ARHGAP26: variants seen among roughly 807,000 people sequenced by gnomAD.
ARHGAP26 encodes Rho GTPase activating protein 26.
A neutral mutation model predicts 104.8 loss-of-function variants in ARHGAP26; 38 were observed. The observed-to-expected ratio is 0.36, with a 90% CI of 0.28 to 0.48. The LOEUF (loss-of-function observed/expected upper bound fraction) is 0.48. Among genes scored for constraint, ARHGAP26 ranks in the 20% least tolerant of loss-of-function variants. The pLI, the probability that ARHGAP26 is intolerant of heterozygous loss-of-function variation, is 0.99. For missense variants in ARHGAP26, 704 were observed against 947.9 expected, an observed-to-expected ratio of 0.74 and a Z score of 3.38; for synonymous variants, 341 against 340.0, an observed-to-expected ratio of 1.00 and a Z score of -0.03.
At position 143,101,782 on chromosome 5, in the gene ARHGAP26, T is replaced by C. The variant is rs373144103; in HGVS notation, c.1539-19206T>C. On this transcript the variant is annotated intron_variant, in intron 17 of 22. Coordinates refer to ENST00000645722, the MANE Select transcript of ARHGAP26 (RefSeq NM_001135608.3). ...TCGACATTTCAATTTCTGCTGCATGTTCTACACAAAATTTAACTGGACAAG... is the reference window on the plus strand; with the variant it reads ...TCGACATTTCAATTTCTGCTGCATGCTCTACACAAAATTTAACTGGACAAG... 1.2e-3 allele frequency among the ~76,000 whole-genome samples: 178 copies of C among 152,218 alleles called. 4 individuals are homozygous for C. Among genetic ancestry groups the C allele is most frequent in the African/African-American group, 4.1e-3 (172 of 41,530 alleles).
At chr5:142,812,140 G>A (rs1432326846) in intron 1 of ARHGAP26, among the ~76,000 whole-genome samples, 1 of 151,890 alleles carries the variant, frequency 6.6e-6, no homozygotes, top group Non-Finnish European at 1.5e-5. Flanking sequence ...TTCGCTTCCT[G>A]TAGTATGAGG....
intron 20 of ARHGAP26, among the ~76,000 whole-genome samples, chr5:143,198,603 C>T (rs1299996787): frequency 6.6e-6 from 1 of 152,274 alleles, no homozygotes; most frequent in Non-Finnish European, 1.5e-5. Context: ...GTCTTTGTTT[C>T]CAATCTGGAA....
At chr5:142,809,928 T>G (rs1763739896) in intron 1 of ARHGAP26, among the ~76,000 whole-genome samples, 1 of 152,210 alleles carries the variant, frequency 6.6e-6, no homozygotes, top group East Asian at 1.9e-4. Context: ...ATTGGACTGG[T>G]GCAGGTTTTA....
intron 11 of ARHGAP26, among the ~76,000 whole-genome samples, chr5:143,009,293 T>C (rs536436504): frequency 7.9e-5 from 12 of 152,286 alleles, no homozygotes; most frequent in African/African-American, 2.9e-4. Context: ...ACCTTTATCA[T>C]CGTCAGCATC....
intron 11 of ARHGAP26, among the ~76,000 whole-genome samples, chr5:142,951,259 C>T (rs905009949): frequency 7.2e-5 from 11 of 152,182 alleles, no homozygotes; most frequent in African/African-American, 2.7e-4. Context: ...AGGGTTTCAC[C>T]ATGTTGGCCA....
rs571721411 is a variant in ARHGAP26, at chr5:142,814,263, C to T, written c.154+43348C>T. Among the ~76,000 whole-genome samples the T allele has an allele frequency of 4.0e-4, 61 of 152,300 alleles. No homozygotes were observed. In the South Asian group the frequency reaches 4.3e-3, roughly 11 times the overall value. On this transcript the variant is annotated intron_variant, in intron 1 of 22. Transcript: ENST00000645722. ...TGGGAACACCATGGCTAGAGCCTTC[C>T]GGTAATCTGCAACTTCCCTGTTCTT...
chr5:142,809,155 T>G (rs969072906), intron 1 of ARHGAP26, among the ~76,000 whole-genome samples: 1 of 152,278 alleles, frequency 6.6e-6, no homozygotes, highest in South Asian at 2.1e-4. Context: ...AATGGAACTC[T>G]ATAAAATGTG....
intron 1 of ARHGAP26, among the ~76,000 whole-genome samples, chr5:142,780,235 G>T (rs1471616158): frequency 1.3e-5 from 2 of 151,328 alleles, no homozygotes; most frequent in Non-Finnish European, 3.0e-5. Flanking sequence ...TAAATATAGT[G>T]TATGTAACCA....
intron 20 of ARHGAP26, among the ~76,000 whole-genome samples, chr5:143,201,353 A>G (rs1438607552): frequency 3.3e-5 from 5 of 152,166 alleles, no homozygotes; most frequent in African/African-American, 1.2e-4. Flanking sequence ...CTAAAATTGT[A>G]GTTATAAAAT....
intron 19 of ARHGAP26, among the ~76,000 whole-genome samples, chr5:143,134,664 G>T (rs577135392): frequency 3.3e-4 from 51 of 152,294 alleles, no homozygotes; most frequent in African/African-American, 1.2e-3. Context: ...ATACCAGTGT[G>T]TTATCACCAC....
intron 13 of ARHGAP26, among the ~76,000 whole-genome samples, chr5:143,039,593 A>G (rs965561757): frequency 6.6e-6 from 1 of 152,086 alleles, no homozygotes; most frequent in South Asian, 2.1e-4. Context: ...AGGTAGAGGC[A>G]CAAAAATGGA....
intron 11 of ARHGAP26, among the ~76,000 whole-genome samples, chr5:142,941,689 AT>A (rs1488311279): frequency 6.6e-6 from 1 of 152,216 alleles, no homozygotes; most frequent in Non-Finnish European, 1.5e-5. Context: ...CTTTGGTTAG[AT>A]TATTCAGAAG....
chr5:143,041,173 T>C (rs1015415097), intron 13 of ARHGAP26, among the ~76,000 whole-genome samples: 2 of 152,218 alleles, frequency 1.3e-5, no homozygotes, highest in Admixed American at 1.3e-4. Context: ...TGTATTTAAA[T>C]GAACAGAAAC....
At chr5:142,808,106 G>T (rs1266769595) in intron 1 of ARHGAP26, among the ~76,000 whole-genome samples, 2 of 151,424 alleles carry the variant, frequency 1.3e-5, no homozygotes, top group Non-Finnish European at 2.9e-5. Flanking sequence ...GTGGTAGTGG[G>T]TGCCTGTAGT....
At chr5:142,821,282 G>A (rs1405402441) in intron 1 of ARHGAP26, among the ~76,000 whole-genome samples, 1 of 149,664 alleles carries the variant, frequency 6.7e-6, no homozygotes, top group East Asian at 2.0e-4. Context: ...CAGTTGGCAG[G>A]CTTCCTAAGG....
chr5:143,196,692 A>G (rs1806885254), intron 20 of ARHGAP26, among the ~76,000 whole-genome samples: 1 of 152,214 alleles, frequency 6.6e-6, no homozygotes, highest in Admixed American at 6.5e-5. Context: ...GCCATTTTAA[A>G]TGGCAAAATC....
chr5:143,150,257 C>G (rs1799667292), intron 20 of ARHGAP26, among the ~76,000 whole-genome samples: 1 of 152,296 alleles, frequency 6.6e-6, no homozygotes, highest in East Asian at 1.9e-4. Flanking sequence ...ATTTTATGCC[C>G]AGACCCATGC....
intron 11 of ARHGAP26, among the ~76,000 whole-genome samples, chr5:142,973,288 G>A (rs1339216609): frequency 2.0e-5 from 3 of 152,202 alleles, no homozygotes; most frequent in Non-Finnish European, 4.4e-5. Flanking sequence ...TATCCATACC[G>A]TGGAGTCCTG....
Position 142,875,122 on chromosome 5 carries a change from A to G in ARHGAP26, c.263A>G (p.Gln88Arg). ...TTCTGTTTTCCAGCAAGATCTTTGC[A>G]GGAGTTTGCCACTGTCCTCAGGAAT... ...DDEMCIARSL[Q>R]EFATVLRNLE... Residue 88 changes from glutamine to arginine, a missense_variant, in exon 3 of 23, where the codon CAG becomes CGG. Gln to Arg is a conservative substitution (Grantham distance 43, BLOSUM62 1). Transcript: ENST00000645722. 6.2e-7 allele frequency: 1 copy of G among 1,614,128 alleles called. No homozygotes were observed. The highest frequency in any genetic ancestry group is 8.5e-7 in the Non-Finnish European group (1 of 1,179,986).
Sources: allele counts gnomAD v4.1 joint callset (sites outside exome capture counted in the v4.1 genomes callset), GRCh38; gene constraint gnomAD v4.1.1; transcripts MANE v1.5; gene names NCBI Gene and HGNC (gene_info 2026-07-23, HGNC 2026-07-21).